Variants in EFHB observed in about 807,000 individuals in gnomAD.
EFHB encodes the protein EF-hand domain-containing family member B.
Under a neutral mutation model 87.2 loss-of-function variants are expected in EFHB, and 91 were observed. That is an observed-to-expected ratio of 1.04 (90% CI 0.88 to 1.24). EFHB has a LOEUF of 1.24. Ranked by LOEUF, EFHB falls within the 50% of genes most tolerant of loss-of-function variation. The pLI is 0.00. For missense variants in EFHB, 1,084 were observed against 998.8 expected, an observed-to-expected ratio of 1.09 and a Z score of -1.15; for synonymous variants, 325 against 333.6, an observed-to-expected ratio of 0.97 and a Z score of 0.28.
chr3:19,890,354 G>T (rs887882119), intron 9 of EFHB, among the ~76,000 whole-genome samples: 1 of 152,186 alleles, frequency 6.6e-6, no homozygotes, highest in Non-Finnish European at 1.5e-5. Context: ...CTTCAAGAGG[G>T]ATGCATCTGT....
intron 4 of EFHB, 141 bp from the exon 5 acceptor site, chr3:19,915,554 A>G: frequency 3.4e-6 from 2 of 589,872 alleles, no homozygotes; most frequent in South Asian, 2.3e-5. Flanking sequence ...CAAAGCCAAC[A>G]TAAATGATTT....
upstream of EFHB, among the ~76,000 whole-genome samples, chr3:19,936,522 C>A (rs142088496): frequency 3.6e-4 from 55 of 152,130 alleles, no homozygotes; most frequent in African/African-American, 1.3e-3. Context: ...TATGATCATG[C>A]CACTACACTC....
At position 19,918,262 on chromosome 3, in the gene EFHB, T is replaced by G; in HGVS notation, c.1147A>C (p.Asn383His). Residue 383 changes from asparagine to histidine, a missense_variant, in exon 4 of 13, where the codon AAT (asparagine) becomes CAT (histidine). By Grantham distance (68) the Asn-to-His change is moderately conservative (BLOSUM62 1). Transcript: ENST00000295824. ...ATGACTGCTGTCCCAAATGTCGTATTGGTTGTGTCCATGCCTTTTGGTAAT... is the reference window on the plus strand; with the variant it reads ...ATGACTGCTGTCCCAAATGTCGTATGGGTTGTGTCCATGCCTTTTGGTAAT... ...PGLPKGMDTTNTTFGTAVIKE... is the reference protein window; with the variant it reads ...PGLPKGMDTTHTTFGTAVIKE... The G allele has an allele frequency of 1.9e-6, 3 of 1,608,826 alleles. No homozygotes were observed. The highest frequency in any genetic ancestry group is 2.5e-6 in the Non-Finnish European group (3 of 1,178,534).
chr3:19,918,745 C>A (rs527956545), intron 3 of EFHB, among the ~76,000 whole-genome samples: 13 of 150,740 alleles, frequency 8.6e-5, no homozygotes, highest in African/African-American at 3.2e-4. Flanking sequence ...GAGGCTGAGG[C>A]GGGCAGATCA....
intron 4 of EFHB, 91 bp from the exon 5 acceptor site, chr3:19,915,504 T>C: frequency 1.3e-6 from 1 of 747,662 alleles, no homozygotes; most frequent in East Asian, 2.7e-5. Context: ...AGAAATTAGG[T>C]ATGCTGGATG....
chr3:19,918,273 A>G lies in EFHB; in HGVS notation c.1136T>C (p.Met379Thr). The change falls in exon 4 of 13, where the codon ATG becomes ACG. Residue 379 changes from methionine to threonine, a missense_variant. Coordinates refer to ENST00000295824, the MANE Select transcript of EFHB (RefSeq NM_144715.4). ...HDQAPGLPKG[M>T]DTTNTTFGTA... Reference sequence around the variant, plus strand: ...CCCAAATGTCGTATTGGTTGTGTCCATGCCTTTTGGTAATCCTGGTGCTTG... The same window carrying G: ...CCCAAATGTCGTATTGGTTGTGTCCGTGCCTTTTGGTAATCCTGGTGCTTG... 6.2e-7 allele frequency: 1 copy of G among 1,612,732 alleles called. No homozygotes were observed. Among genetic ancestry groups the G allele is most frequent in the South Asian group, 1.1e-5 (1 of 90,778 alleles).
At chr3:19,888,797 G>A (rs1468872543) in intron 9 of EFHB, 146 bp from the exon 10 acceptor site, 6 of 679,892 alleles carry the variant, frequency 8.8e-6, no homozygotes, top group East Asian at 2.7e-5. Context: ...AGTCAAATAC[G>A]CTGGTTAGAC....
At position 19,879,499 on chromosome 3, in the gene EFHB, G is replaced by C; in HGVS notation, c.*132C>G. ...TTAAAATCCAAAATCTAATTTATTA[G>C]CAACACATACAGGCATATGAGTCTT... On this transcript the variant is annotated 3_prime_UTR_variant, in exon 13 of 13. Transcript: ENST00000295824. 1 of 915,128 alleles carries C rather than the reference G, an allele frequency of 1.1e-6. No individual in the cohort carries two copies. The highest frequency in any genetic ancestry group is 3.3e-4 in the Middle Eastern group (1 of 3,022). The allele number at this position is 915,128 out of a possible 1,614,324, so 56.7% of individuals were successfully genotyped here. A position where few individuals can be genotyped will look rare whatever the true frequency, so the allele number is the denominator to read the frequency against.
chr3:19,884,905 T>C (rs113623565), intron 10 of EFHB, among the ~76,000 whole-genome samples: 20,072 of 143,606 alleles, frequency 0.14, 1,514 homozygotes, highest in South Asian at 0.22. Flanking sequence ...AATCCATTCA[T>C]TTCTTTTCTT....
intron 1 of EFHB, among the ~76,000 whole-genome samples, chr3:19,926,844 G>C (rs373658460): frequency 2.0e-5 from 3 of 151,168 alleles, no homozygotes; most frequent in African/African-American, 7.3e-5. Flanking sequence ...ATTTTTAGTA[G>C]AGACGGGGTT....
intron 9 of EFHB, 29 bp from the exon 10 acceptor site, chr3:19,888,680 A>C (rs748289194): frequency 7.7e-6 from 12 of 1,564,470 alleles, no homozygotes; most frequent in Non-Finnish European, 1.0e-5. Flanking sequence ...AAGAACATAA[A>C]ATGGGAGTTG....
upstream of EFHB, chr3:19,936,374 G>C (rs1696022355): frequency 1.9e-6 from 1 of 529,568 alleles, no homozygotes; most frequent in Non-Finnish European, 3.4e-6. Flanking sequence ...GACATGCATG[G>C]GTAACACAGT....
At chr3:19,932,580 A>G (rs1222408431) in intron 1 of EFHB, among the ~76,000 whole-genome samples, 1 of 152,202 alleles carries the variant, frequency 6.6e-6, no homozygotes, top group Non-Finnish European at 1.5e-5. Context: ...TAGCTCAAAT[A>G]TTACTTTCCC....
At chr3:19,931,139 G>A (rs562695151) in intron 1 of EFHB, among the ~76,000 whole-genome samples, 3 of 152,022 alleles carry the variant, frequency 2.0e-5, no homozygotes, top group East Asian at 3.9e-4. Flanking sequence ...CTCCAGCCTG[G>A]GTGATGGAGT....
At chr3:19,880,748 C>CG (rs1401056578) in intron 12 of EFHB, among the ~76,000 whole-genome samples, 2 of 151,364 alleles carry the variant, frequency 1.3e-5, no homozygotes, top group Non-Finnish European at 2.9e-5. Context: ...CAGATGAAGG[C>CG]GGGGAAAAAC....
chr3:19,939,405 T>C (rs192568465), intron 1 of EFHB, among the ~76,000 whole-genome samples: 15,614 of 101,152 alleles, frequency 0.15, 1,628 homozygotes, highest in Non-Finnish European at 0.22. Context: ...TTTTTTGGGA[T>C]GGAGTCTCAC....
At chr3:19,939,204 C>A (rs935093859), upstream of EFHB, among the ~76,000 whole-genome samples, 18 of 151,874 alleles carry the variant, frequency 1.2e-4, no homozygotes, top group Non-Finnish European at 2.1e-4. Context: ...ACATGCCCAG[C>A]CTACTTTATG....
intron 3 of EFHB, among the ~76,000 whole-genome samples, chr3:19,919,193 T>TTTTG (rs548920106): frequency 3.3e-5 from 5 of 151,900 alleles, no homozygotes; most frequent in African/African-American, 9.7e-5. Context: ...GACAGTCTTT[T>TTTTG]TTTGTTTGTT....
chr3:19,936,191 A>G, upstream of EFHB: 1 of 1,141,762 alleles, frequency 8.8e-7, no homozygotes, highest in Non-Finnish European at 1.3e-6. Context: ...GCTTAACGCC[A>G]AGAATTCAAT....
Sources: allele counts gnomAD v4.1 joint callset (sites outside exome capture counted in the v4.1 genomes callset), GRCh38; gene constraint gnomAD v4.1.1; transcripts MANE v1.5; gene names NCBI Gene and HGNC (gene_info 2026-07-23, HGNC 2026-07-21).